Variants in ZNF804A observed in about 807,000 individuals in gnomAD.
ZNF804A encodes zinc finger protein 804A.
ZNF804A carries 2 observed loss-of-function variants against 16.5 expected under a neutral mutation model. The ratio of observed to expected loss-of-function variants is 0.12; its 90% CI spans 0.05 to 0.38. ZNF804A has a LOEUF of 0.38. ZNF804A is among the 10% of genes least tolerant of loss of function. ZNF804A has a pLI of 0.99. For synonymous variants in ZNF804A, 534 were observed against 489.6 expected (o/e 1.09, Z -1.20); for missense variants, 1,473 against 1,390.7 (o/e 1.06, Z -0.94).
intron 2 of ZNF804A, among the ~76,000 whole-genome samples, chr2:184,930,830 C>T (rs1685686222): frequency 6.6e-6 from 1 of 152,162 alleles, no homozygotes; most frequent in African/African-American, 2.4e-5. Context: ...TTTATTAAAA[C>T]TTTATCCAAT....
chr2:184,769,947 A>G (rs10194285), intron 1 of ZNF804A, among the ~76,000 whole-genome samples: 21,660 of 151,976 alleles, frequency 0.14, 1,673 homozygotes, highest in Middle Eastern at 0.24. Context: ...TAGAGAGATA[A>G]TTTTTCCTTT....
At chr2:184,636,306 TTG>T (rs1182275801) in intron 1 of ZNF804A, among the ~76,000 whole-genome samples, 3 of 121,386 alleles carry the variant, frequency 2.5e-5, no homozygotes, top group Admixed American at 1.6e-4. Context: ...TTGTTTTCTT[TTG>T]TGTGTGTGTG....
chr2:184,826,726 A>T (rs1347281213), intron 1 of ZNF804A, among the ~76,000 whole-genome samples: 1 of 152,124 alleles, frequency 6.6e-6, no homozygotes, highest in Non-Finnish European at 1.5e-5. Context: ...CGTTGAAAAA[A>T]TTCAGAGAAA....
intron 2 of ZNF804A, among the ~76,000 whole-genome samples, chr2:184,882,848 T>G (rs1331320297): frequency 6.6e-6 from 1 of 151,964 alleles, no homozygotes; most frequent in Non-Finnish European, 1.5e-5. Flanking sequence ...GATCTCAAAT[T>G]AGCAACCTAA....
chr2:184,911,588 A>G (rs1356899001), intron 2 of ZNF804A, among the ~76,000 whole-genome samples: 1 of 151,696 alleles, frequency 6.6e-6, no homozygotes, highest in Non-Finnish European at 1.5e-5. Flanking sequence ...ACCCATATTG[A>G]TTTTCTAATT....
intron 1 of ZNF804A, among the ~76,000 whole-genome samples, chr2:184,679,082 T>C (rs990985371): frequency 6.6e-6 from 1 of 152,214 alleles, no homozygotes; most frequent in African/African-American, 2.4e-5. Context: ...AATTCCATTG[T>C]AGAAATTTGT....
chr2:184,787,892 G>A lies in ZNF804A; in HGVS notation c.112-78477G>A, dbSNP rs1694473078. On this transcript the variant is annotated intron_variant, in intron 1 of 3. Transcript: ENST00000302277. The stretch of plus-strand genomic sequence containing the variant: ...TGTTTTTGTTACATTTGCTTTTGAG[G>A]TCTTTGTCATAAATTATTTGCCTAG... Among the ~76,000 whole-genome samples, 7 of 151,096 alleles carry A rather than the reference G, an allele frequency of 4.6e-5. No individual in the cohort carries two copies. The South Asian group carries it at 1.5e-3, about 31-fold the overall frequency.
intron 1 of ZNF804A, among the ~76,000 whole-genome samples, chr2:184,688,032 T>C (rs1043701762): frequency 4.6e-5 from 7 of 152,028 alleles, no homozygotes; most frequent in Non-Finnish European, 1.5e-5. Context: ...GACATGAGAA[T>C]TGCTTGAACC....
At chr2:184,703,461 G>C (rs941851958) in intron 1 of ZNF804A, among the ~76,000 whole-genome samples, 6 of 151,882 alleles carry the variant, frequency 4.0e-5, no homozygotes, top group African/African-American at 1.5e-4. Context: ...CCAGCACTTT[G>C]GGAGGCCGAG....
intron 2 of ZNF804A, among the ~76,000 whole-genome samples, chr2:184,922,305 G>A (rs1685540911): frequency 6.6e-6 from 1 of 152,094 alleles, no homozygotes; most frequent in Admixed American, 6.6e-5. Flanking sequence ...TAACTGGAGT[G>A]GGATGATGTC....
At chr2:184,692,114 A>C (rs1692740859) in intron 1 of ZNF804A, among the ~76,000 whole-genome samples, 1 of 152,218 alleles carries the variant, frequency 6.6e-6, no homozygotes, top group Non-Finnish European at 1.5e-5. Flanking sequence ...AATCAAAAGC[A>C]GACAGCAGTT....
intron 2 of ZNF804A, among the ~76,000 whole-genome samples, chr2:184,899,561 T>C (rs1685143532): frequency 6.6e-6 from 1 of 152,010 alleles, no homozygotes; most frequent in African/African-American, 2.4e-5. Flanking sequence ...GTTGAAACCC[T>C]TTAGAAGAAG....
chr2:184,601,346 T>C (rs1255589121), intron 1 of ZNF804A, among the ~76,000 whole-genome samples: 3 of 152,038 alleles, frequency 2.0e-5, no homozygotes, highest in African/African-American at 2.4e-5. Flanking sequence ...AAAGTGATTC[T>C]TTATAGCACA....
At chr2:184,632,807 G>A (rs1045022493) in intron 1 of ZNF804A, among the ~76,000 whole-genome samples, 1 of 152,162 alleles carries the variant, frequency 6.6e-6, no homozygotes, top group Admixed American at 6.5e-5. Context: ...AAAGAAATGT[G>A]TTCCTTCCCT....
intron 1 of ZNF804A, among the ~76,000 whole-genome samples, chr2:184,707,817 G>A (rs971618970): frequency 6.6e-6 from 1 of 152,090 alleles, no homozygotes; most frequent in African/African-American, 2.4e-5. Context: ...CCAGTAATAA[G>A]ATTGCTGGGT....
intron 1 of ZNF804A, among the ~76,000 whole-genome samples, chr2:184,776,971 T>C (rs1694298328): frequency 6.6e-6 from 1 of 151,652 alleles, no homozygotes; most frequent in Non-Finnish European, 1.5e-5. Flanking sequence ...ATCTCAAGAT[T>C]GGTGGCTATG....
chr2:184,904,189 A>G (rs1558998190), intron 2 of ZNF804A, among the ~76,000 whole-genome samples: 1 of 152,118 alleles, frequency 6.6e-6, no homozygotes, highest in Non-Finnish European at 1.5e-5. Context: ...TATAATGAAA[A>G]CTACAAAATA....
At chr2:184,746,596 T>C (rs1693793543) in intron 1 of ZNF804A, among the ~76,000 whole-genome samples, 1 of 151,468 alleles carries the variant, frequency 6.6e-6, no homozygotes, top group South Asian at 2.1e-4. Context: ...CATTACATTA[T>C]TGTTGACTGT....
Position 184,677,072 on chromosome 2 carries a change from A to G in ZNF804A, c.111+78002A>G, listed in dbSNP as rs550931464. Among the ~76,000 whole-genome samples the G allele has an allele frequency of 2.8e-3, 429 of 151,996 alleles. 4 individuals are homozygous for G. The highest frequency in any genetic ancestry group is 8.7e-3 in the African/African-American group (363 of 41,552). ...AGCAGTAGAACAAAAAAGAAAAAAA[A>G]CATTTATTTTTTCCCTATTATTATC... On this transcript the variant is annotated intron_variant, in intron 1 of 3. Coordinates refer to ENST00000302277, the MANE Select transcript of ZNF804A (RefSeq NM_194250.2).
Sources: gnomAD v4.1 joint callset for allele counts (sites outside exome capture counted in the v4.1 genomes callset) on GRCh38, gnomAD v4.1.1 for gene constraint, MANE v1.5 for transcripts, NCBI Gene and HGNC (gene_info 2026-07-23, HGNC 2026-07-21) for gene names.